EPM2A: variants seen among roughly 807,000 people sequenced by gnomAD.
EPM2A encodes EPM2A glucan phosphatase, laforin.
EPM2A carries 21 observed loss-of-function variants against 26.5 expected under a neutral mutation model. That is an observed-to-expected ratio of 0.79 (90% confidence interval 0.56 to 1.14). The LOEUF (loss-of-function observed/expected upper bound fraction) is 1.14. EPM2A is among the 50% of genes most tolerant of loss of function. The probability of loss-of-function intolerance (pLI) is 0.00; values close to 1 mark genes in which losing one functional copy is unlikely to be tolerated. For synonymous variants in EPM2A, 217 were observed against 177.6 expected, an observed-to-expected ratio of 1.22 and a Z score of -1.76; for missense variants, 458 against 440.8, an observed-to-expected ratio of 1.04 and a Z score of -0.35.
At chr6:145,583,922 G>C (rs1562391820) in intron 2 of EPM2A, among the ~76,000 whole-genome samples, 1 of 152,234 alleles carries the variant, frequency 6.6e-6, no homozygotes, top group Non-Finnish European at 1.5e-5. Flanking sequence ...TGCTGGTGCA[G>C]AGCAGGCAGG....
At chr6:145,540,364 A>C (rs1020954455) in intron 2 of EPM2A, among the ~76,000 whole-genome samples, 1 of 152,186 alleles carries the variant, frequency 6.6e-6, no homozygotes, top group African/African-American at 2.4e-5. Context: ...TTGAGCCAAA[A>C]TTACTTTAAC....
chr6:145,435,298 C>T (rs1461649386), intron 4 of EPM2A, among the ~76,000 whole-genome samples: 1 of 151,696 alleles, frequency 6.6e-6, no homozygotes, highest in Admixed American at 6.6e-5. Context: ...ATATTATTTT[C>T]ACATGAGAAG....
chr6:145,725,908 T>C (rs1776181754), intron 1 of EPM2A, among the ~76,000 whole-genome samples: 1 of 152,084 alleles, frequency 6.6e-6, no homozygotes, highest in Non-Finnish European at 1.5e-5. Flanking sequence ...TTCCCATATA[T>C]ATACATAATT....
At chr6:145,479,295 A>ATATATATATACATATATATGTG (rs1245299658) in intron 4 of EPM2A, among the ~76,000 whole-genome samples, 2 of 147,478 alleles carry the variant, frequency 1.4e-5, no homozygotes, top group Non-Finnish European at 3.0e-5. Context: ...TGATTTAACT[A>ATATATATATACATATATATGTG]TATATATATA....
chr6:145,392,980 T>A (rs550120051), intron 4 of EPM2A, among the ~76,000 whole-genome samples: 3 of 152,206 alleles, frequency 2.0e-5, no homozygotes, highest in African/African-American at 7.2e-5. Flanking sequence ...AGTCTTTGAT[T>A]TTTTTTCAAT....
At chr6:145,514,808 G>T (rs1780102801) in intron 2 of EPM2A, among the ~76,000 whole-genome samples, 1 of 152,148 alleles carries the variant, frequency 6.6e-6, no homozygotes, top group Non-Finnish European at 1.5e-5. Context: ...ATTATCAATA[G>T]TGCCAAGGTC....
chr6:145,556,123 A>G (rs1464698509), intron 2 of EPM2A, among the ~76,000 whole-genome samples: 1 of 152,156 alleles, frequency 6.6e-6, no homozygotes, highest in Non-Finnish European at 1.5e-5. Flanking sequence ...ATTTTTACAC[A>G]TTAGGTTTTT....
At chr6:145,464,179 C>T (rs992299892) in intron 4 of EPM2A, among the ~76,000 whole-genome samples, 4 of 152,098 alleles carry the variant, frequency 2.6e-5, no homozygotes, top group African/African-American at 9.7e-5. Context: ...ATTGAGTTCT[C>T]ATGAGATCTG....
intron 2 of EPM2A, among the ~76,000 whole-genome samples, chr6:145,664,598 G>A (rs1779008640): frequency 6.6e-6 from 1 of 151,338 alleles, no homozygotes; most frequent in Non-Finnish European, 1.5e-5. Context: ...ATATTAGACA[G>A]ATCAACGAGA....
At chr6:145,488,522 T>TGAGAGAGAGAGAGAGAGA (rs200590979) in intron 4 of EPM2A, among the ~76,000 whole-genome samples, 118 of 139,980 alleles carry the variant, frequency 8.4e-4, no homozygotes, top group African/African-American at 2.8e-3. Context: ...TGTGTGTGTG[T>TGAGAGAGAGAGAGAGAGA]GAGAGAGAGA....
downstream of EPM2A, among the ~76,000 whole-genome samples, chr6:145,496,930 G>A (rs1779829584): frequency 6.6e-6 from 1 of 151,868 alleles, no homozygotes. Flanking sequence ...GTAAAGACGG[G>A]GTTTCACCTT....
In EPM2A at chr6:145,713,994, G is replaced by A. The variant is rs529021173; in HGVS notation, c.301+21204C>T. 4.6e-5 allele frequency among the ~76,000 whole-genome samples: 7 copies of A among 152,302 alleles called. No individual in the cohort carries two copies. The South Asian group carries it at 1.4e-3, about 32-fold the overall frequency. On this transcript the variant is annotated intron_variant, in intron 1 of 3. Transcript: ENST00000367519. Reference sequence around the variant, plus strand: ...AGCCAGTTACAAAGGGCCACATATTGTATGACTCCATTTCTATGAAATATC... The same window carrying A: ...AGCCAGTTACAAAGGGCCACATATTATATGACTCCATTTCTATGAAATATC...
intron 2 of EPM2A, among the ~76,000 whole-genome samples, chr6:145,675,719 C>A (rs977334761): frequency 6.6e-6 from 1 of 152,168 alleles, no homozygotes; most frequent in Non-Finnish European, 1.5e-5. Flanking sequence ...ATCAATTCAA[C>A]AAGAAGAATT....
chr6:145,580,544 G>A (rs373610848), intron 2 of EPM2A, among the ~76,000 whole-genome samples: 40 of 150,832 alleles, frequency 2.7e-4, no homozygotes, highest in African/African-American at 8.9e-4. Context: ...ATATTTCAAG[G>A]GTACAGGCAC....
At chr6:145,499,581 G>C (rs1779861957), downstream of EPM2A, among the ~76,000 whole-genome samples, 1 of 152,100 alleles carries the variant, frequency 6.6e-6, no homozygotes, top group African/African-American at 2.4e-5. Flanking sequence ...TGTATGAGCA[G>C]AAACACAGTG....
At chr6:145,543,922 T>C (rs1171992737) in intron 2 of EPM2A, among the ~76,000 whole-genome samples, 1 of 152,196 alleles carries the variant, frequency 6.6e-6, no homozygotes, top group Non-Finnish European at 1.5e-5. Context: ...GGAGCCAAAA[T>C]GGGATGTTGT....
intron 1 of EPM2A, among the ~76,000 whole-genome samples, chr6:145,701,734 C>T (rs1781922187): frequency 1.3e-5 from 2 of 152,170 alleles, no homozygotes; most frequent in Non-Finnish European, 2.9e-5. Flanking sequence ...CTTTCTCCAG[C>T]AAGTAATTTT....
At chr6:145,409,015 C>CA (rs781302706) in intron 4 of EPM2A, among the ~76,000 whole-genome samples, 16 of 151,900 alleles carry the variant, frequency 1.1e-4, no homozygotes, top group Admixed American at 9.8e-4. Flanking sequence ...GTACTAATAC[C>CA]AAAAAAATTA....
chr6:145,682,854 T>A (rs1780643332), intron 2 of EPM2A, among the ~76,000 whole-genome samples: 2 of 152,148 alleles, frequency 1.3e-5, no homozygotes, highest in Non-Finnish European at 2.9e-5. Context: ...ATATTCAAAC[T>A]AAAGAGTGAG....
Sources: gnomAD v4.1 joint callset for allele counts (sites outside exome capture counted in the v4.1 genomes callset) on GRCh38, gnomAD v4.1.1 for gene constraint, MANE v1.5 for transcripts, NCBI Gene and HGNC (gene_info 2026-07-23, HGNC 2026-07-21) for gene names.